Variants in SON observed in about 807,000 individuals in gnomAD.
SON encodes protein SON.
SON carries 4 observed loss-of-function variants against 173.3 expected under a neutral mutation model. That is an observed-to-expected ratio of 0.02 (90% CI 0.01 to 0.05). The LOEUF (loss-of-function observed/expected upper bound fraction) is 0.05, where lower values mean the gene tolerates loss of function less well. SON is among the 10% of genes least tolerant of loss of function. SON has a pLI of 1.00. For synonymous variants in SON, 1,190 were observed against 1,105.9 expected, an observed-to-expected ratio of 1.08 and a Z score of -1.51; for missense variants, 2,626 against 3,055.3, an observed-to-expected ratio of 0.86 and a Z score of 3.31.
At chr21:33,566,185 G>C (rs1253442862) in intron 6 of SON, among the ~76,000 whole-genome samples, 1 of 152,050 alleles carries the variant, frequency 6.6e-6, no homozygotes, top group Non-Finnish European at 1.5e-5. Context: ...TTCCATGTCA[G>C]ATAAGCATTT....
chr21:33,566,398 A>G (rs935724824), intron 6 of SON, among the ~76,000 whole-genome samples: 1 of 152,286 alleles, frequency 6.6e-6, no homozygotes, highest in East Asian at 1.9e-4. Context: ...ATTGGCTCCA[A>G]AGATTACTTT....
intron 6 of SON, among the ~76,000 whole-genome samples, chr21:33,564,632 G>A (rs866993385): frequency 4.6e-5 from 7 of 152,080 alleles, no homozygotes; most frequent in Non-Finnish European, 7.4e-5. Flanking sequence ...AGGCCAAGGC[G>A]GGCGGATCAC....
chr21:33,549,663 T>A lies in SON; in HGVS notation c.432T>A (p.Asp144Glu), dbSNP rs766733093. ...EESESKTKSH[D>E]DGNIDLESDS... ...CTGAGTCAAAGACGAAATCTCATGA[T>A]GATGGGAACATAGATTTAGAATCTG... Residue 144 changes from aspartate (D) to glutamate (E), a missense_variant, in exon 3 of 12, where the codon GAT (aspartate) becomes GAA (glutamate). Transcript: ENST00000356577. The A allele has an allele frequency of 6.2e-7, 1 of 1,611,342 alleles. No individual in the cohort carries two copies. Among genetic ancestry groups the A allele is most frequent in the African/African-American group, 1.3e-5 (1 of 74,766 alleles).
intron 8 of SON, among the ~76,000 whole-genome samples, chr21:33,571,511 G>A (rs761888680): frequency 1.4e-4 from 21 of 152,152 alleles, no homozygotes; most frequent in Non-Finnish European, 2.9e-4. Flanking sequence ...TTTATCAGTA[G>A]TCTCATTAAT....
intron 2 of SON, among the ~76,000 whole-genome samples, chr21:33,547,427 T>C (rs906103809): frequency 6.6e-6 from 1 of 152,186 alleles, no homozygotes; most frequent in Non-Finnish European, 1.5e-5. Context: ...AATTGATGTT[T>C]AGAAATGAAG....
intron 1 of SON, 156 bp downstream of exon 1, chr21:33,543,325 C>G (rs569351091): frequency 3.0e-6 from 2 of 664,268 alleles, no homozygotes; most frequent in Non-Finnish European, 5.3e-6. Flanking sequence ...CCCCCCCAAC[C>G]GCCCCCCCAG....
rs926169229 is a variant in SON at position 33,555,025 on chromosome 21, C to G, written c.5794C>G (p.His1932Asp). 4 of 1,613,028 alleles carry G rather than the reference C, an allele frequency of 2.5e-6. No individual in the cohort carries two copies. In the African/African-American group the frequency reaches 4.0e-5, roughly 16 times the overall value. The change falls in exon 3 of 12, where the codon CAT becomes GAT. Residue 1932 changes from histidine (H) to aspartate (D), a missense_variant. Physicochemically the swap from His to Asp is moderately conservative, Grantham distance 81. Around this residue, in one of 13 missense-constraint regions of SON, gnomAD observed 138 missense variants for 222.9 expected, o/e 0.62. Transcript: ENST00000356577. ...SRTPSRRSRS[H>D]TPSRRRRSRS... ...AACCCCAAGTCGTCGGAGTCGGAGT[C>G]ATACTCCAAGTCGTCGACGAAGGTC...
intron 4 of SON, chr21:33,557,765 C>T: frequency 7.6e-7 from 1 of 1,321,154 alleles, no homozygotes; most frequent in South Asian, 1.6e-5. Context: ...TGGCCATTGC[C>T]TGAAAGGAAC....
At position 33,551,324 on chromosome 21, in the gene SON, A is replaced by C. The variant is rs758363854; in HGVS notation, c.2093A>C (p.Glu698Ala). The change falls in exon 3 of 12, where the codon GAG becomes GCG. Residue 698 changes from glutamate (E) to alanine (A), a missense_variant. By Grantham distance (107) the Glu-to-Ala change is moderately radical. This residue lies in a region of SON where 182 missense variants were observed against 193.6 expected (regional missense o/e 0.94). Coordinates refer to ENST00000356577, the MANE Select transcript of SON (RefSeq NM_138927.4). ...GAGCTGCCTACTACATTAGTGGGGG[A>C]GACTTCTGTAACAGTAGGAGTGGAT... ...AQELPTTLVG[E>A]TSVTVGVDPL... is the part of the protein sequence containing the mutation. 6.2e-7 allele frequency: 1 copy of C among 1,614,094 alleles called. No individual in the cohort carries two copies. Among genetic ancestry groups the C allele is most frequent in the Admixed American group, 1.7e-5 (1 of 60,016 alleles).
chr21:33,557,662 G>C (rs1893703415), intron 4 of SON: 3 of 1,521,980 alleles, frequency 2.0e-6, no homozygotes, highest in Non-Finnish European at 2.6e-6. Context: ...CGCGTTCACT[G>C]ATCGCCACGA....
chr21:33,570,422 A>T (rs2086258437), intron 8 of SON, among the ~76,000 whole-genome samples: 1 of 152,242 alleles, frequency 6.6e-6, no homozygotes, highest in East Asian at 1.9e-4. Flanking sequence ...AACATCATGT[A>T]TACTCATTAT....
chr21:33,564,732 T>C (rs773744991), intron 6 of SON, among the ~76,000 whole-genome samples: 3 of 151,916 alleles, frequency 2.0e-5, no homozygotes, highest in Non-Finnish European at 4.4e-5. Flanking sequence ...TGGCAGCGCA[T>C]GCCTGTAATC....
rs1339557993 is a variant in SON at position 33,554,163 on chromosome 21, C to T, written c.4932C>T (p.Ser1644=). ...TQDTEHDMVI[S]TSPSGGSEAD... is the part of the protein sequence containing the mutation. ...ATACTGAACATGACATGGTAATTTC[C>T]ACCAGTCCTAGTGGTGGTAGTGAAG... is the stretch of plus-strand genomic sequence containing the variant. Residue 1644 remains serine, a synonymous_variant, in exon 3 of 12, where the codon TCC becomes TCT. Coordinates refer to ENST00000356577, the MANE Select transcript of SON (RefSeq NM_138927.4). 3 of 1,614,102 alleles carry T rather than the reference C, an allele frequency of 1.9e-6. No individual in the cohort carries two copies. The highest frequency in any genetic ancestry group is 1.7e-5 in the Admixed American group (1 of 60,028).
intron 1 of SON, 46 bp downstream of exon 1, chr21:33,543,215 C>G (rs760545663): frequency 6.7e-7 from 1 of 1,491,966 alleles, no homozygotes. Flanking sequence ...CCGTTAGGCC[C>G]TCACCTAGCC....
chr21:33,569,912 C>T (rs924876959), intron 8 of SON: 2 of 172,896 alleles, frequency 1.2e-5, no homozygotes, highest in East Asian at 1.9e-4. Flanking sequence ...AGAGAATGGA[C>T]GCCTCGTGCT....
chr21:33,547,467 C>G (rs1358375521), intron 2 of SON, among the ~76,000 whole-genome samples: 1 of 152,004 alleles, frequency 6.6e-6, no homozygotes, highest in Non-Finnish European at 1.5e-5. Flanking sequence ...CAGTCATTAC[C>G]TTGATTTAGT....
In SON at chr21:33,550,765, G is replaced by A. The variant is rs1377629915; in HGVS notation, c.1534G>A (p.Glu512Lys). The A allele has an allele frequency of 1.9e-6, 3 of 1,614,130 alleles. No homozygotes were observed. The Admixed American group carries it at 5.0e-5, about 27-fold the overall frequency. ...GACCGAACAACCTGTGACGACGACA[G>A]AGTTGGAGCAGCCTGTGGGGATGAC... ...ELTEQPVTTTELEQPVGMTTV... is the reference protein window; with the variant it reads ...ELTEQPVTTTKLEQPVGMTTV... The change falls in exon 3 of 12, where the codon GAG becomes AAG. Residue 512 changes from glutamate to lysine, a missense_variant. By Grantham distance (56) the Glu-to-Lys change is moderately conservative. Coordinates refer to ENST00000356577, the MANE Select transcript of SON (RefSeq NM_138927.4).
At chr21:33,573,480 T>TA (rs1217749395) in intron 9 of SON, 25 bp downstream of exon 9, 3 of 1,596,608 alleles carry the variant, frequency 1.9e-6, no homozygotes, top group South Asian at 2.2e-5. Flanking sequence ...TTTGGAATGT[T>TA]TATTAACGTC....
At chr21:33,570,964 AAAT>A (rs2145877751) in intron 8 of SON, among the ~76,000 whole-genome samples, 1 of 151,960 alleles carries the variant, frequency 6.6e-6, no homozygotes, top group East Asian at 1.9e-4. Context: ...TTTTCCCCTA[AAAT>A]AATTTCTTCT....
Sources: allele counts gnomAD v4.1 joint callset (sites outside exome capture counted in the v4.1 genomes callset), GRCh38; gene constraint gnomAD v4.1.1; regional missense constraint gnomAD v4.1.1; transcripts MANE v1.5; gene names NCBI Gene and HGNC (gene_info 2026-07-23, HGNC 2026-07-21).